DIP2C: variants seen among roughly 807,000 people sequenced by gnomAD.
DIP2C encodes DIP2 acetate--CoA ligase C (putative), also known as disco-interacting protein 2 homolog C.
DIP2C carries 33 observed loss-of-function variants against 192.4 expected under a neutral mutation model. That is an observed-to-expected ratio of 0.17 (90% confidence interval 0.13 to 0.23). The LOEUF is 0.23. DIP2C is among the 10% of genes least tolerant of loss of function. The pLI is 1.00. For synonymous variants in DIP2C, 979 were observed against 864.1 expected, an observed-to-expected ratio of 1.13 and a Z score of -2.33; for missense variants, 1,537 against 2,110.1, an observed-to-expected ratio of 0.73 and a Z score of 5.32.
At chr10:365,013 G>C (rs746457958) in intron 19 of DIP2C, 5 of 532,546 alleles carry the variant, frequency 9.4e-6, no homozygotes, top group African/African-American at 1.9e-5. Flanking sequence ...TGCCCTTGTT[G>C]GAAGTATGCT....
intron 4 of DIP2C, among the ~76,000 whole-genome samples, chr10:424,679 G>C (rs1358879306): frequency 6.6e-6 from 1 of 152,094 alleles, no homozygotes; most frequent in Non-Finnish European, 1.5e-5. Flanking sequence ...TGCCTTTTAA[G>C]AAAACTTACA....
intron 13 of DIP2C, among the ~76,000 whole-genome samples, chr10:389,756 G>A (rs1171104337): frequency 6.6e-6 from 1 of 152,252 alleles, no homozygotes; most frequent in African/African-American, 2.4e-5. Context: ...AGGACACGCT[G>A]ACCTCAGACC....
intron 1 of DIP2C, among the ~76,000 whole-genome samples, chr10:538,903 CTG>C (rs1394594436): frequency 6.6e-6 from 1 of 152,214 alleles, no homozygotes; most frequent in East Asian, 1.9e-4. Flanking sequence ...AGAACTTTTT[CTG>C]TGTTCATGAA....
At chr10:559,335 G>C (rs1290519623) in intron 1 of DIP2C, among the ~76,000 whole-genome samples, 5 of 152,138 alleles carry the variant, frequency 3.3e-5, no homozygotes, top group Non-Finnish European at 7.4e-5. Flanking sequence ...GGAACGCCGG[G>C]GGAACGCCGG....
chr10:309,161 T>A (rs1016450146), intron 32 of DIP2C, among the ~76,000 whole-genome samples: 1 of 152,164 alleles, frequency 6.6e-6, no homozygotes, highest in Non-Finnish European at 1.5e-5. Context: ...GCAGTAAAAA[T>A]GACGCCTTCT....
intron 9 of DIP2C, among the ~76,000 whole-genome samples, chr10:403,096 TTCC>T (rs1964551412): frequency 3.0e-4 from 1 of 3,286 alleles, no homozygotes; most frequent in African/African-American, 3.3e-4. Flanking sequence ...TTGGTATGTG[TTCC>T]TCAGCACATG....
intron 1 of DIP2C, among the ~76,000 whole-genome samples, chr10:514,114 C>G (rs1376554703): frequency 6.6e-6 from 1 of 152,170 alleles, no homozygotes; most frequent in Non-Finnish European, 1.5e-5. Flanking sequence ...CTGGCCACCT[C>G]GGGGGGACAG....
chr10:662,749 C>A (rs1358791972), intron 1 of DIP2C: 6 of 619,252 alleles, frequency 9.7e-6, no homozygotes, highest in South Asian at 2.0e-5. Context: ...GGTTTCAAAT[C>A]TAACTTATCT....
chr10:642,129 C>T (rs181910247), intron 1 of DIP2C, among the ~76,000 whole-genome samples: 3 of 152,224 alleles, frequency 2.0e-5, no homozygotes, highest in Non-Finnish European at 4.4e-5. Context: ...TATTTTCCTT[C>T]CTACACCCCT....
chr10:469,409 C>CG (rs1302518167), intron 3 of DIP2C, among the ~76,000 whole-genome samples: 2 of 151,436 alleles, frequency 1.3e-5, no homozygotes, highest in Admixed American at 1.3e-4. Context: ...CTCCACCTCC[C>CG]GGGTTCAAGA....
At chr10:296,847 T>C (rs143044289) in intron 32 of DIP2C, among the ~76,000 whole-genome samples, 2 of 128,516 alleles carry the variant, frequency 1.6e-5, no homozygotes, top group African/African-American at 3.1e-5. Flanking sequence ...ATGAGAACAC[T>C]TGGACACAGG....
chr10:375,057 G>A (rs528525007), intron 17 of DIP2C, among the ~76,000 whole-genome samples: 7 of 152,166 alleles, frequency 4.6e-5, no homozygotes, highest in South Asian at 2.1e-4. Flanking sequence ...AGCAAAATAC[G>A]TACCTGTGTA....
At chr10:581,986 T>C (rs1397089847) in intron 1 of DIP2C, among the ~76,000 whole-genome samples, 1 of 151,518 alleles carries the variant, frequency 6.6e-6, no homozygotes, top group Non-Finnish European at 1.5e-5. Flanking sequence ...TGGATCCTCA[T>C]AAGGAGCACC....
intron 17 of DIP2C, among the ~76,000 whole-genome samples, chr10:376,339 C>A (rs1564632754): frequency 6.6e-6 from 1 of 152,106 alleles, no homozygotes; most frequent in African/African-American, 2.4e-5. Flanking sequence ...CCACCTCGGC[C>A]CCCGACGGAG....
At chr10:384,242 G>A (rs1962652022) in intron 15 of DIP2C, 96 bp from the exon 16 acceptor site, 5 of 766,444 alleles carry the variant, frequency 6.5e-6, no homozygotes, top group Middle Eastern at 3.6e-4. Context: ...GAAGGGTGAA[G>A]AATCACTGGT....
intron 6 of DIP2C, among the ~76,000 whole-genome samples, chr10:417,821 C>CTTCGATAG: frequency 1.1e-5 from 1 of 90,562 alleles, no homozygotes; most frequent in Admixed American, 1.0e-4. Context: ...CCTGTCAGGG[C>CTTCGATAG]GCGGACAGGC....
chr10:542,010 G>A lies in DIP2C; in HGVS notation c.86-55480C>T, dbSNP rs1029408319. 6.6e-5 allele frequency among the ~76,000 whole-genome samples: 10 copies of A among 152,202 alleles called. No homozygotes were observed. In the East Asian group the frequency reaches 1.3e-3, roughly 21 times the overall value. The stretch of plus-strand genomic sequence containing the variant: ...GCCCCTGGGGACTCCCAGTGCACAC[G>A]TTGGTCTCCTGCACACTTGGCTCTT... On this transcript the variant is annotated intron_variant, in intron 1 of 36. Coordinates refer to ENST00000280886, the MANE Select transcript of DIP2C (RefSeq NM_014974.3).
intron 7 of DIP2C, among the ~76,000 whole-genome samples, chr10:415,322 GTTGT>G (rs969911118): frequency 6.6e-6 from 1 of 151,616 alleles, no homozygotes; most frequent in Non-Finnish European, 1.5e-5. Context: ...TCAACTTTAA[GTTGT>G]TTGTCTAAAA....
Position 423,123 on chromosome 10 carries a change from G to GT in DIP2C, c.395-91dup, listed in dbSNP as rs1337156714. On this transcript the variant is annotated intron_variant, in intron 4 of 36. Transcript: ENST00000280886. ...CTCGCCAAACACAGATTTACTTCAC[G>GT]TAAGTCTCAATAGTTGTTCAATGAC... The GT allele has an allele frequency of 1.9e-5, 24 of 1,260,060 alleles. No homozygotes were observed. The East Asian group carries it at 3.3e-4, about 17-fold the overall frequency. 78.1% of individuals were successfully genotyped at this position (1,260,060 alleles called of 1,614,324 possible).
Sources: allele counts gnomAD v4.1 joint callset (sites outside exome capture counted in the v4.1 genomes callset), GRCh38; gene constraint gnomAD v4.1.1; transcripts MANE v1.5; gene names NCBI Gene and HGNC (gene_info 2026-07-23, HGNC 2026-07-21).